Variants in SOCS2 observed in about 807,000 individuals in gnomAD.
SOCS2 encodes the protein suppressor of cytokine signaling 2.
In SOCS2, 10 loss-of-function variants were observed where a neutral mutation model predicts 18.6. The observed-to-expected ratio is 0.54, with a 90% confidence interval of 0.33 to 0.91. SOCS2 has a LOEUF of 0.91. SOCS2 is among the 40% of genes least tolerant of loss of function. The pLI, the probability that SOCS2 is intolerant of heterozygous loss-of-function variation, is 0.02. For synonymous variants in SOCS2, 104 were observed against 104.0 expected (o/e 1.00, Z 0.00); for missense variants, 231 against 247.2 (o/e 0.93, Z 0.44).
chr12:93,621,680 C>T, the SOCS2 span, among the ~76,000 whole-genome samples: 3 of 152,092 alleles, frequency 2.0e-5, no homozygotes, highest in Admixed American at 6.5e-5. Flanking sequence ...GATGGAGTCT[C>T]ACTATGCTGT....
At chr12:93,591,749 C>T in the SOCS2 span, among the ~76,000 whole-genome samples, 4 of 152,172 alleles carry the variant, frequency 2.6e-5, no homozygotes, top group African/African-American at 9.7e-5. Flanking sequence ...CACAGGCTGA[C>T]CAACGTCAAG....
At chr12:93,610,586 T>C in the SOCS2 span, among the ~76,000 whole-genome samples, 7 of 152,186 alleles carry the variant, frequency 4.6e-5, no homozygotes, top group African/African-American at 7.2e-5. Context: ...TAGGGCCTTT[T>C]GGAAAGTGAT....
the SOCS2 span, among the ~76,000 whole-genome samples, chr12:93,614,373 CTT>C: frequency 4.5e-5 from 4 of 88,400 alleles, no homozygotes; most frequent in East Asian, 2.8e-4. Flanking sequence ...TTCTTTCTTT[CTT>C]TCTTTCTTTC....
chr12:93,610,188 C>A, the SOCS2 span, among the ~76,000 whole-genome samples: 1 of 152,196 alleles, frequency 6.6e-6, no homozygotes, highest in South Asian at 2.1e-4. Context: ...TATGTTACAA[C>A]AGTCGTTCTC....
intron 1 of SOCS2, 108 bp from the exon 2 acceptor site, chr12:93,574,614 T>TC: frequency 2.9e-6 from 2 of 698,944 alleles, no homozygotes; most frequent in South Asian, 6.4e-5. Flanking sequence ...TTTTTTTTTT[T>TC]CTTTTTTAGA....
At chr12:93,580,108 G>A (rs1459844433), downstream of SOCS2, among the ~76,000 whole-genome samples, 1 of 152,182 alleles carries the variant, frequency 6.6e-6, no homozygotes, top group African/African-American at 2.4e-5. Flanking sequence ...GCCACCCAAG[G>A]AGCCCCCTTG....
chr12:93,617,954 G>A, the SOCS2 span, among the ~76,000 whole-genome samples: 1,470 of 152,216 alleles, frequency 9.7e-3, 19 homozygotes, highest in African/African-American at 0.032. Context: ...CAAATCTCAC[G>A]TCAAATTATA....
At chr12:93,589,284 G>A in the SOCS2 span, among the ~76,000 whole-genome samples, 1 of 152,168 alleles carries the variant, frequency 6.6e-6, no homozygotes, top group Non-Finnish European at 1.5e-5. Context: ...GGCATTTCCT[G>A]TTTTGAGGTC....
In SOCS2 at chr12:93,574,722, G is replaced by C. The variant is rs201377221; in HGVS notation, c.140G>C (p.Gly47Ala). The change falls in exon 2 of 2, where the codon GGA (glycine) becomes GCA (alanine). Residue 47 changes from glycine to alanine, a missense_variant and splice_region_variant. By Grantham distance (60) the Gly-to-Ala change is moderately conservative (BLOSUM62 0). Around this residue, in one of 3 missense-constraint regions of SOCS2, gnomAD observed 106 missense variants for 103.8 expected, o/e 1.02. Transcript: ENST00000551556. ...TTTTCTTTTTGAACAAAAACCCCAG[G>C]ATGGTACTGGGGAAGTATGACTGTT... ...AKALRELGQT[G>A]WYWGSMTVNE... 1 of 1,596,222 alleles carries C rather than the reference G, an allele frequency of 6.3e-7. No individual in the cohort carries two copies. Among genetic ancestry groups the C allele is most frequent in the Admixed American group, 1.7e-5 (1 of 57,762 alleles).
At chr12:93,571,910 T>C, upstream of SOCS2, 1 of 415,896 alleles carries the variant, frequency 2.4e-6, no homozygotes, top group South Asian at 1.6e-5. Flanking sequence ...GCGGCCGAGG[T>C]CGAGGTAAGA....
At chr12:93,608,000 CTTT>C in the SOCS2 span, among the ~76,000 whole-genome samples, 12 of 124,408 alleles carry the variant, frequency 9.6e-5, no homozygotes, top group Non-Finnish European at 6.7e-5. Flanking sequence ...GACTGTAAAT[CTTT>C]TTTTTTTTTT....
the SOCS2 span, among the ~76,000 whole-genome samples, chr12:93,588,615 ATT>A: frequency 0.04 from 5,599 of 141,024 alleles, 278 homozygotes; most frequent in African/African-American, 0.12. Context: ...GAGACAGTGA[ATT>A]TTTTTTTTTT....
chr12:93,586,162 A>C (rs1488048417), downstream of SOCS2, among the ~76,000 whole-genome samples: 1 of 152,184 alleles, frequency 6.6e-6, no homozygotes, highest in Non-Finnish European at 1.5e-5. Context: ...AACCTCAAAA[A>C]GTTTCTGAAT....
At position 93,575,151 on chromosome 12, in the gene SOCS2, A is replaced by C; in HGVS notation, c.569A>C (p.Tyr190Ser). The C allele has an allele frequency of 6.4e-7, 1 of 1,555,698 alleles. No individual in the cohort carries two copies. The highest frequency in any genetic ancestry group is 1.2e-5 in the South Asian group (1 of 80,806). Reference protein sequence around the residue: ...GLPLPTRLKDYLEEYKFQV With the variant: ...GLPLPTRLKDSLEEYKFQV ...CCTTTACCAACAAGACTAAAAGATT[A>C]CTTGGAAGAATATAAATTCCAGGTA... Residue 190 changes from tyrosine (Y) to serine (S), a missense_variant, in exon 2 of 2, where the codon TAC (tyrosine) becomes TCC (serine). Physicochemically the swap from Tyr to Ser is moderately radical, Grantham distance 144. Transcript: ENST00000551556.
At chr12:93,604,669 T>C in the SOCS2 span, among the ~76,000 whole-genome samples, 1 of 152,180 alleles carries the variant, frequency 6.6e-6, no homozygotes, top group Non-Finnish European at 1.5e-5. Flanking sequence ...TATTTATTTA[T>C]GTTTTTTTGA....
chr12:93,615,506 T>C, the SOCS2 span, among the ~76,000 whole-genome samples: 1 of 152,244 alleles, frequency 6.6e-6, no homozygotes, highest in African/African-American at 2.4e-5. Flanking sequence ...CAGATCCTCA[T>C]TTTAATTGGA....
chr12:93,574,497 A>G (rs768010930), intron 1 of SOCS2: 102 of 393,534 alleles, frequency 2.6e-4, no homozygotes, highest in Non-Finnish European at 3.8e-4. Context: ...TAAAAAAGAA[A>G]GAAAACTGGC....
chr12:93,577,156 T>C (rs1233873791), downstream of SOCS2, among the ~76,000 whole-genome samples: 2 of 152,188 alleles, frequency 1.3e-5, no homozygotes, highest in African/African-American at 4.8e-5. Flanking sequence ...TTGTGAGGCA[T>C]GAGTACCTGT....
At chr12:93,599,267 C>T in the SOCS2 span, among the ~76,000 whole-genome samples, 6 of 150,522 alleles carry the variant, frequency 4.0e-5, no homozygotes, top group Admixed American at 2.0e-4. Context: ...AATCCTCCTG[C>T]CCCAGCCTCC....
Sources: allele counts gnomAD v4.1 joint callset (sites outside exome capture counted in the v4.1 genomes callset), GRCh38; gene constraint gnomAD v4.1.1; regional missense constraint gnomAD v4.1.1; transcripts MANE v1.5; gene names NCBI Gene and HGNC (gene_info 2026-07-23, HGNC 2026-07-21).